Variants in BIN2 observed in about 807,000 individuals in gnomAD.
The protein encoded by BIN2 is bridging integrator 2, also known as breast cancer associated protein BRAP1.
BIN2 carries 43 observed loss-of-function variants against 67.9 expected under a neutral mutation model. The ratio of observed to expected loss-of-function variants is 0.63; its 90% confidence interval spans 0.50 to 0.82. The LOEUF (loss-of-function observed/expected upper bound fraction) is 0.82, where lower values mean the gene tolerates loss of function less well. BIN2 is among the 40% of genes least tolerant of loss of function. BIN2 has a pLI of 0.00. For missense variants in BIN2, 581 were observed against 671.6 expected, an observed-to-expected ratio of 0.87 and a Z score of 1.49; for synonymous variants, 244 against 246.8, an observed-to-expected ratio of 0.99 and a Z score of 0.11.
intron 2 of BIN2, among the ~76,000 whole-genome samples, chr12:51,310,899 C>T (rs1383937514): frequency 6.6e-6 from 1 of 151,624 alleles, no homozygotes; most frequent in Non-Finnish European, 1.5e-5. Flanking sequence ...GCTGAGAATA[C>T]AGGAGCACAC....
At chr12:51,288,242 G>C in intron 10 of BIN2, 54 bp from the exon 11 acceptor site, 1 of 1,471,986 alleles carries the variant, frequency 6.8e-7, no homozygotes, top group Non-Finnish European at 9.5e-7. Context: ...CCACCTGGGG[G>C]CCATCCCTGT....
Position 51,302,797 on chromosome 12 carries a change from C to A in BIN2, c.218-17G>T, listed in dbSNP as rs1413996301. On this transcript the variant is annotated splice_polypyrimidine_tract_variant and intron_variant, in intron 3 of 12. Coordinates refer to ENST00000615107, the MANE Select transcript of BIN2 (RefSeq NM_016293.4). Reference sequence around the variant, plus strand: ...CATGCATCACTGAAAGGAGAGAATTCAGTCCCACCATCATGTTTCCCCAAC... The same window carrying A: ...CATGCATCACTGAAAGGAGAGAATTAAGTCCCACCATCATGTTTCCCCAAC... 6.3e-7 allele frequency: 1 copy of A among 1,589,532 alleles called. No individual in the cohort carries two copies. The highest frequency in any genetic ancestry group is 2.2e-5 in the East Asian group (1 of 44,748).
intron 12 of BIN2, among the ~76,000 whole-genome samples, chr12:51,284,004 A>AAAG (rs1945179694): frequency 1.3e-5 from 2 of 151,828 alleles, no homozygotes; most frequent in East Asian, 1.9e-4. Context: ...AAAAAAAAAA[A>AAAG]AAAGAAAAGA....
rs190227339 is a variant in BIN2 at position 51,322,858 on chromosome 12, T to C, written c.81+1164A>G. The C allele has an allele frequency of 2.6e-5, 4 of 152,308 alleles. No homozygotes were observed. The East Asian group carries it at 5.8e-4, about 22-fold the overall frequency. 9.4% of individuals were successfully genotyped at this position (152,308 alleles called of 1,614,324 possible). A position where few individuals can be genotyped will look rare whatever the true frequency, so the allele number is the denominator to read the frequency against. On this transcript the variant is annotated intron_variant, in intron 1 of 12. Coordinates refer to ENST00000615107, the MANE Select transcript of BIN2 (RefSeq NM_016293.4). ...ATGATAGAAAATAACCTCCCTTCCATTGTGGTCTCTTAAAGTCAGGAGCTA... is the reference window on the plus strand; with the variant it reads ...ATGATAGAAAATAACCTCCCTTCCACTGTGGTCTCTTAAAGTCAGGAGCTA...
At position 51,299,700 on chromosome 12, in the gene BIN2, C is replaced by A. The variant is rs1190720080; in HGVS notation, c.423G>T (p.Lys141Asn). Residue 141 changes from lysine to asparagine, a missense_variant, in exon 6 of 13, where the codon AAG (lysine) becomes AAT (asparagine). Coordinates refer to ENST00000615107, the MANE Select transcript of BIN2 (RefSeq NM_016293.4). ...QFSEIKERIA[K>N]RGRKLVDYDS... Reference sequence around the variant, plus strand: ...CATAGTCCACGAGTTTCCGACCCCGCTTGGCAATTCTCTCCTGACCCAGGG... The same window carrying A: ...CATAGTCCACGAGTTTCCGACCCCGATTGGCAATTCTCTCCTGACCCAGGG... 1 of 1,613,952 alleles carries A rather than the reference C, an allele frequency of 6.2e-7. No individual in the cohort carries two copies. Among genetic ancestry groups the A allele is most frequent in the African/African-American group, 1.3e-5 (1 of 74,898 alleles).
intron 9 of BIN2, among the ~76,000 whole-genome samples, chr12:51,295,464 G>C (rs1945516893): frequency 3.4e-5 from 5 of 148,792 alleles, no homozygotes; most frequent in Admixed American, 3.3e-4. Context: ...TCAGGAGGCT[G>C]AGGCAGGAGA....
At chr12:51,315,257 C>T (rs1946093581) in intron 1 of BIN2, among the ~76,000 whole-genome samples, 1 of 152,060 alleles carries the variant, frequency 6.6e-6, no homozygotes, top group African/African-American at 2.4e-5. Flanking sequence ...GCAAGCTCCG[C>T]CTCCCGGGTT....
At chr12:51,290,297 G>T (rs1945349100) in intron 10 of BIN2, among the ~76,000 whole-genome samples, 2 of 151,140 alleles carry the variant, frequency 1.3e-5, no homozygotes, top group Admixed American at 6.6e-5. Flanking sequence ...GCTAATTTTT[G>T]TATTTTTAAT....
chr12:51,309,041 T>G (rs149655020), intron 2 of BIN2, among the ~76,000 whole-genome samples: 69 of 152,248 alleles, frequency 4.5e-4, no homozygotes, highest in African/African-American at 1.5e-3. Flanking sequence ...GAAATCAGGC[T>G]AGGAAGTTTG....
In BIN2 at chr12:51,299,235, T is replaced by G. The variant is rs779936952; in HGVS notation, c.570A>C (p.Glu190Asp). Residue 190 changes from glutamate to aspartate, a missense_variant, in exon 7 of 13, where the codon GAA (glutamate) becomes GAC (aspartate). By Grantham distance (45) the Glu-to-Asp change is conservative. Transcript: ENST00000615107. ...AQTVFEDLNQ[E>D]LLEELPILYN... ...AAAGAATAGGCAGCTCCTCTAGTAGTTCTTGGTTCAGATCTTCAAACACAG... is the reference window on the plus strand; with the variant it reads ...AAAGAATAGGCAGCTCCTCTAGTAGGTCTTGGTTCAGATCTTCAAACACAG... 3.1e-6 allele frequency: 5 copies of G among 1,613,828 alleles called. No individual in the cohort carries two copies. In the Admixed American group the frequency reaches 8.3e-5, roughly 27 times the overall value.
chr12:51,290,609 G>A (rs1487137060), intron 10 of BIN2, among the ~76,000 whole-genome samples: 2 of 150,354 alleles, frequency 1.3e-5, no homozygotes, highest in Admixed American at 1.3e-4. Flanking sequence ...GGCGGATCAC[G>A]AGGTCAGGAG....
intron 7 of BIN2, among the ~76,000 whole-genome samples, chr12:51,298,552 T>A (rs11169794): frequency 0.52 from 78,945 of 151,472 alleles, 20,719 homozygotes; most frequent in Non-Finnish European, 0.57. Context: ...ATAAATAAAT[T>A]AATTAATTAA....
intron 11 of BIN2, among the ~76,000 whole-genome samples, chr12:51,285,469 T>A (rs900225602): frequency 6.6e-5 from 10 of 150,714 alleles, no homozygotes; most frequent in South Asian, 2.1e-4. Context: ...AATATAAATT[T>A]TAAAAAAAAG....
intron 1 of BIN2, among the ~76,000 whole-genome samples, chr12:51,314,110 C>T (rs564715963): frequency 1.3e-3 from 193 of 151,954 alleles, no homozygotes; most frequent in African/African-American, 4.4e-3. Context: ...TGCAGTGGCA[C>T]GATCTCGGCT....
chr12:51,305,826 C>CTTTTTTTTTTTTTTTTT, intron 2 of BIN2, among the ~76,000 whole-genome samples: 1 of 82,412 alleles, frequency 1.2e-5, no homozygotes, highest in Non-Finnish European at 2.2e-5. Flanking sequence ...TGTTTTCTTT[C>CTTTTTTTTTTTTTTTTT]TTTTTTTTTT....
chr12:51,300,287 C>CAT (rs991615292), intron 5 of BIN2, among the ~76,000 whole-genome samples: 3 of 151,670 alleles, frequency 2.0e-5, no homozygotes, highest in African/African-American at 4.8e-5. Context: ...TAATTAAATA[C>CAT]ATATATATAT....
chr12:51,311,029 G>C (rs1312762363), intron 2 of BIN2, among the ~76,000 whole-genome samples: 1 of 151,564 alleles, frequency 6.6e-6, no homozygotes, highest in African/African-American at 2.4e-5. Context: ...GATTATAGGT[G>C]TGGGCCACCA....
intron 9 of BIN2, among the ~76,000 whole-genome samples, 157 bp from the exon 10 acceptor site, chr12:51,292,501 A>T (rs7135343): frequency 0.78 from 119,302 of 152,100 alleles, 47,954 homozygotes; most frequent in South Asian, 0.88. Flanking sequence ...GTGAAATGAA[A>T]AAAGGCCAAA....
At chr12:51,324,550 G>A, upstream of BIN2, 1 of 1,528,706 alleles carries the variant, frequency 6.5e-7, no homozygotes, top group South Asian at 1.2e-5. Context: ...GAGTATGCAT[G>A]CGAAGCCGCC....
Sources: allele counts gnomAD v4.1 joint callset (sites outside exome capture counted in the v4.1 genomes callset), GRCh38; gene constraint gnomAD v4.1.1; transcripts MANE v1.5; gene names NCBI Gene and HGNC (gene_info 2026-07-23, HGNC 2026-07-21).